MMP16: variants seen among roughly 807,000 people sequenced by gnomAD.
MMP16 encodes matrix metallopeptidase 16, also known as matrix metalloproteinase-16.
MMP16 carries 12 observed loss-of-function variants against 67.8 expected under a neutral mutation model. That is an observed-to-expected ratio of 0.18 (90% CI 0.11 to 0.29). MMP16 has a LOEUF of 0.29. MMP16 is among the 10% of genes least tolerant of loss of function. MMP16 has a pLI of 1.00. For synonymous variants in MMP16, 249 were observed against 255.9 expected, an observed-to-expected ratio of 0.97 and a Z score of 0.26; for missense variants, 475 against 765.7, an observed-to-expected ratio of 0.62 and a Z score of 4.48.
At chr8:88,268,517 C>T (rs1327459568) in intron 1 of MMP16, among the ~76,000 whole-genome samples, 1 of 152,040 alleles carries the variant, frequency 6.6e-6, no homozygotes. Context: ...GTTCTTTTTC[C>T]ATCCTCAAAT....
chr8:88,153,284 T>C lies in MMP16; in HGVS notation c.709+14385A>G, dbSNP rs1808442067. ...AGAATCAATATAGTGAAAATGGCCA[T>C]ACTGCCCAAGGTAATTTACAGATTC... On this transcript the variant is annotated intron_variant, in intron 4 of 9. Transcript: ENST00000286614. 2.0e-5 allele frequency among the ~76,000 whole-genome samples: 3 copies of C among 152,106 alleles called. No individual in the cohort carries two copies. The South Asian group carries it at 6.2e-4, about 31-fold the overall frequency.
At chr8:88,071,315 T>C (rs1359261349) in intron 7 of MMP16, among the ~76,000 whole-genome samples, 3 of 152,098 alleles carry the variant, frequency 2.0e-5, no homozygotes, top group South Asian at 2.1e-4. Flanking sequence ...CAAATTCTTA[T>C]GTAAAATGAA....
intron 1 of MMP16, among the ~76,000 whole-genome samples, chr8:88,197,620 T>C (rs1809277860): frequency 1.3e-5 from 2 of 152,220 alleles, no homozygotes; most frequent in South Asian, 4.1e-4. Context: ...AGATTATCCC[T>C]GTCCTCTAGG....
intron 1 of MMP16, among the ~76,000 whole-genome samples, chr8:88,322,239 C>T (rs775966611): frequency 6.6e-6 from 1 of 151,992 alleles, no homozygotes; most frequent in African/African-American, 2.4e-5. Context: ...TTTCAGCGAA[C>T]GTGATGTTGT....
chr8:88,032,156 CT>C lies in MMP16; in HGVS notation c.*9304del, dbSNP rs767948974. ...ACAGCAGACAAAAACTGCCCCACCC[CT>C]AATCCCCTCCTTGAATGGAAACAAA... is the stretch of plus-strand genomic sequence containing the variant. On this transcript the variant is annotated 3_prime_UTR_variant, in exon 10 of 10. Transcript: ENST00000286614. 11 of 152,290 alleles carry C rather than the reference CT, an allele frequency of 7.2e-5. No homozygotes were observed. Among genetic ancestry groups the C allele is most frequent in the South Asian group, 2.1e-4 (1 of 4,832 alleles). The allele number at this position is 152,290 out of a possible 1,614,324, so 9.4% of individuals were successfully genotyped here.
rs1254872089 is a variant in MMP16 at position 88,039,552 on chromosome 8, A to T, written c.*1909T>A. 6.6e-6 allele frequency: 1 copy of T among 152,628 alleles called. No individual in the cohort carries two copies. The highest frequency in any genetic ancestry group is 1.5e-5 in the Non-Finnish European group (1 of 68,044). 9.5% of individuals were successfully genotyped at this position (152,628 alleles called of 1,614,324 possible). A position where few individuals can be genotyped will look rare whatever the true frequency, so the allele number is the denominator to read the frequency against. Reference sequence around the variant, plus strand: ...AGACATAGAACAGGACTCTTCAAGGAAAATTTTCACAGAAGACAATGTTTA... The same window carrying T: ...AGACATAGAACAGGACTCTTCAAGGTAAATTTTCACAGAAGACAATGTTTA... On this transcript the variant is annotated 3_prime_UTR_variant, in exon 10 of 10. Transcript: ENST00000286614. This position sits in a 1 kb window ranked among gnomAD's most constrained non-coding sequence, Gnocchi z 4.5.
chr8:88,163,527 T>C (rs1357198123), intron 4 of MMP16, among the ~76,000 whole-genome samples: 4 of 152,076 alleles, frequency 2.6e-5, no homozygotes, highest in African/African-American at 4.8e-5. Flanking sequence ...AAATAGGATA[T>C]ACCTCTAGAT....
intron 1 of MMP16, among the ~76,000 whole-genome samples, chr8:88,294,546 GTA>G (rs201679775): frequency 0.05 from 7,602 of 150,872 alleles, 190 homozygotes; most frequent in Non-Finnish European, 0.061. Flanking sequence ...ACACATATAT[GTA>G]TATATGTCTC....
intron 4 of MMP16, among the ~76,000 whole-genome samples, chr8:88,142,556 A>C (rs948138970): frequency 6.6e-6 from 1 of 152,164 alleles, no homozygotes; most frequent in African/African-American, 2.4e-5. Context: ...CCAGTTTTAA[A>C]AAAATTTACA....
intron 1 of MMP16, among the ~76,000 whole-genome samples, chr8:88,314,294 A>G (rs1408348849): frequency 6.6e-6 from 1 of 152,192 alleles, no homozygotes; most frequent in African/African-American, 2.4e-5. Context: ...TAGTCATAAC[A>G]AATGTTTTAA....
chr8:88,141,910 C>CATAAAT (rs1808217697), intron 4 of MMP16, among the ~76,000 whole-genome samples: 1 of 150,392 alleles, frequency 6.6e-6, no homozygotes, highest in African/African-American at 2.4e-5. Context: ...ATTTTATGCA[C>CATAAAT]ATAAATATGT....
chr8:88,132,221 T>G (rs562903510), intron 4 of MMP16, among the ~76,000 whole-genome samples: 41 of 151,692 alleles, frequency 2.7e-4, no homozygotes, highest in African/African-American at 8.9e-4. Flanking sequence ...AAGAATAAAT[T>G]TCAATACTTG....
At chr8:88,298,175 A>G (rs1221104836) in intron 1 of MMP16, among the ~76,000 whole-genome samples, 1 of 152,212 alleles carries the variant, frequency 6.6e-6, no homozygotes, top group Non-Finnish European at 1.5e-5. Flanking sequence ...AAGAAAATAC[A>G]AGGAAAAATG....
At chr8:88,083,679 T>G (rs1808789630) in intron 6 of MMP16, among the ~76,000 whole-genome samples, 1 of 152,086 alleles carries the variant, frequency 6.6e-6, no homozygotes, top group Non-Finnish European at 1.5e-5. Context: ...TGCTGCCTTT[T>G]TAGAAGAAAA....
chr8:88,294,193 CAT>C (rs1333078733), intron 1 of MMP16, among the ~76,000 whole-genome samples: 1 of 150,358 alleles, frequency 6.7e-6, no homozygotes, highest in Non-Finnish European at 1.5e-5. Flanking sequence ...TATATATACA[CAT>C]ATATAGACTA....
intron 1 of MMP16, among the ~76,000 whole-genome samples, chr8:88,309,419 G>A (rs1357999336): frequency 3.3e-5 from 5 of 151,556 alleles, no homozygotes; most frequent in Admixed American, 6.6e-5. Flanking sequence ...AAGGAAGAAA[G>A]TCTATAAAGA....
At chr8:88,119,322 A>G (rs980540863) in intron 4 of MMP16, among the ~76,000 whole-genome samples, 2 of 152,110 alleles carry the variant, frequency 1.3e-5, no homozygotes, top group African/African-American at 4.8e-5. Flanking sequence ...AAGTCTTGTC[A>G]GGAACAGCAA....
chr8:88,069,134 G>A (rs1183802113), intron 7 of MMP16: 9 of 228,912 alleles, frequency 3.9e-5, no homozygotes, highest in Non-Finnish European at 7.7e-5. Flanking sequence ...TGCACTGAAT[G>A]TCAACATAAA....
rs933558176 is a variant in MMP16 at position 88,039,680 on chromosome 8, A to C, written c.*1781T>G. On this transcript the variant is annotated 3_prime_UTR_variant, in exon 10 of 10. Transcript: ENST00000286614. This position sits in a 1 kb window ranked among gnomAD's most constrained non-coding sequence, Gnocchi z 4.5. Reference sequence around the variant, plus strand: ...TCAAAGCTGGCTTTCACACAAAGCCAATGTCTGACTCATGGGGTGCATTCA... The same window carrying C: ...TCAAAGCTGGCTTTCACACAAAGCCCATGTCTGACTCATGGGGTGCATTCA... The C allele has an allele frequency of 1.3e-5, 2 of 152,664 alleles. No individual in the cohort carries two copies. The highest frequency in any genetic ancestry group is 4.8e-5 in the African/African-American group (2 of 41,464). 9.5% of individuals were successfully genotyped at this position (152,664 alleles called of 1,614,324 possible). A position where few individuals can be genotyped will look rare whatever the true frequency, so the allele number is the denominator to read the frequency against.
Sources: gnomAD v4.1 joint callset for allele counts (sites outside exome capture counted in the v4.1 genomes callset) on GRCh38, gnomAD v4.1.1 for gene constraint, Gnocchi (gnomAD v3.1) non-coding constraint, MANE v1.5 for transcripts, NCBI Gene and HGNC (gene_info 2026-07-23, HGNC 2026-07-21) for gene names.